NRG1: variants seen among roughly 807,000 people sequenced by gnomAD.
The protein encoded by NRG1 is pro-neuregulin-1, membrane-bound isoform.
In NRG1, 18 loss-of-function variants were observed where a neutral mutation model predicts 63.8. The ratio of observed to expected loss-of-function variants is 0.28; its 90% CI spans 0.19 to 0.42. The LOEUF (loss-of-function observed/expected upper bound fraction) is 0.42, where lower values mean the gene tolerates loss of function less well. NRG1 is among the 10% of genes least tolerant of loss of function. The pLI, the probability that NRG1 is intolerant of heterozygous loss-of-function variation, is 1.00. For synonymous variants in NRG1, 302 were observed against 301.3 expected, an observed-to-expected ratio of 1.00 and a Z score of -0.02; for missense variants, 762 against 814.7, an observed-to-expected ratio of 0.94 and a Z score of 0.79.
At chr8:32,604,738 A>C (rs565452462) in intron 2 of NRG1, among the ~76,000 whole-genome samples, 96 of 152,204 alleles carry the variant, frequency 6.3e-4, no homozygotes, top group Middle Eastern at 3.4e-3. Context: ...AGGCTTTAGA[A>C]TAATTCTTTA....
At chr8:32,704,251 G>A (rs1371429054) in intron 5 of NRG1, among the ~76,000 whole-genome samples, 1 of 152,188 alleles carries the variant, frequency 6.6e-6, no homozygotes, top group African/African-American at 2.4e-5. Context: ...GTGACCACTT[G>A]CTGAGTAATT....
At chr8:31,642,396 A>T (rs1803881303) in intron 1 of NRG1, among the ~76,000 whole-genome samples, 1 of 152,224 alleles carries the variant, frequency 6.6e-6, no homozygotes, top group South Asian at 2.1e-4. Flanking sequence ...GTTAGCTGTG[A>T]TGCCTAGGAT....
chr8:31,694,351 G>GA (rs1308244960), intron 1 of NRG1, among the ~76,000 whole-genome samples: 5 of 152,272 alleles, frequency 3.3e-5, no homozygotes, highest in African/African-American at 1.2e-4. Flanking sequence ...CCTTCTCTGT[G>GA]TCTAGAGAAT....
At position 32,594,761 on chromosome 8, in the gene NRG1, CT is replaced by C. The variant is rs201878158; in HGVS notation, c.101-1066del. 6.0e-3 allele frequency among the ~76,000 whole-genome samples: 908 copies of C among 152,292 alleles called. 12 individuals are homozygous for C. The highest frequency in any genetic ancestry group is 0.02 in the African/African-American group (852 of 41,566). The stretch of plus-strand genomic sequence containing the variant: ...TGCATAATTTAAGTACTCACAGTCT[CT>C]GTTGAGACTATTTAGATGCACTAAA... On this transcript the variant is annotated intron_variant, in intron 1 of 11. Coordinates refer to ENST00000356819, the Ensembl canonical transcript of NRG1.
chr8:32,050,537 C>T (rs1435643500), intron 1 of NRG1, among the ~76,000 whole-genome samples: 1 of 152,094 alleles, frequency 6.6e-6, no homozygotes, highest in Non-Finnish European at 1.5e-5. Flanking sequence ...AAATGCCTGC[C>T]ACCTTCCCAT....
chr8:31,977,795 C>T (rs1808437416), intron 1 of NRG1, among the ~76,000 whole-genome samples: 1 of 152,116 alleles, frequency 6.6e-6, no homozygotes, highest in Admixed American at 6.5e-5. Context: ...GTTTGAACAA[C>T]AGATTCAATT....
chr8:31,681,655 A>G (rs1227334885), intron 1 of NRG1, among the ~76,000 whole-genome samples: 1 of 150,702 alleles, frequency 6.6e-6, no homozygotes, highest in Non-Finnish European at 1.5e-5. Context: ...ATTCCAATGT[A>G]TAGACTCTGG....
At chr8:32,733,660 T>C (rs1029182502) in intron 6 of NRG1, among the ~76,000 whole-genome samples, 3 of 152,142 alleles carry the variant, frequency 2.0e-5, no homozygotes, top group Non-Finnish European at 4.4e-5. Context: ...GCCAGGCACT[T>C]TTTAAAACAC....
intron 1 of NRG1, among the ~76,000 whole-genome samples, chr8:32,124,420 C>A (rs987648005): frequency 6.6e-6 from 1 of 151,816 alleles, no homozygotes; most frequent in African/African-American, 2.4e-5. Context: ...CAAATCTTCC[C>A]AACAAACAGT....
At chr8:31,829,140 G>A (rs1383943218) in intron 1 of NRG1, among the ~76,000 whole-genome samples, 3 of 152,182 alleles carry the variant, frequency 2.0e-5, no homozygotes, top group Non-Finnish European at 4.4e-5. Flanking sequence ...TCTCAGATCT[G>A]AGCAGGTTGT....
chr8:32,430,787 G>GTTTTTTTTTT (rs35752428), intron 1 of NRG1, among the ~76,000 whole-genome samples: 7 of 134,150 alleles, frequency 5.2e-5, no homozygotes, highest in Non-Finnish European at 6.5e-5. Context: ...AATGGTTTGG[G>GTTTTTTTTTT]TTTTTTTTTT....
chr8:32,620,841 A>G, intron 5 of NRG1, among the ~76,000 whole-genome samples: 1 of 148,082 alleles, frequency 6.8e-6, no homozygotes, highest in South Asian at 2.1e-4. Flanking sequence ...AAAAACAAAC[A>G]AAAAAAGAAA....
intron 5 of NRG1, among the ~76,000 whole-genome samples, chr8:32,687,492 C>T (rs773584023): frequency 3.9e-5 from 6 of 152,146 alleles, no homozygotes; most frequent in Non-Finnish European, 7.3e-5. Flanking sequence ...CGAGTCTGAA[C>T]GCACTGTGAG....
intron 1 of NRG1, among the ~76,000 whole-genome samples, chr8:32,053,177 G>A (rs114502857): frequency 0.011 from 1,687 of 152,196 alleles, 25 homozygotes; most frequent in African/African-American, 0.036. Context: ...TGCCTGGCTG[G>A]TTGAATTGAC....
intron 1 of NRG1, among the ~76,000 whole-genome samples, chr8:32,308,061 T>C (rs932190027): frequency 3.9e-5 from 6 of 152,182 alleles, no homozygotes; most frequent in African/African-American, 1.2e-4. Context: ...ATTTTCAACC[T>C]GCACTCACCC....
At chr8:32,619,356 T>G (rs1011320502) in intron 5 of NRG1, among the ~76,000 whole-genome samples, 4 of 151,124 alleles carry the variant, frequency 2.6e-5, no homozygotes, top group African/African-American at 9.7e-5. Context: ...GGGGTTGGAG[T>G]AGAAGGAACA....
chr8:32,216,241 TA>T (rs1314971346), intron 1 of NRG1, among the ~76,000 whole-genome samples: 1 of 150,278 alleles, frequency 6.7e-6, no homozygotes, highest in African/African-American at 2.4e-5. Context: ...TGAAGAGCCA[TA>T]AATAATGCAT....
chr8:31,792,562 T>C (rs1409187566), intron 1 of NRG1, among the ~76,000 whole-genome samples: 4 of 152,264 alleles, frequency 2.6e-5, no homozygotes. Context: ...AAAAATTGTT[T>C]CATTAATAGA....
chr8:32,583,082 A>T (rs1382441234), intron 1 of NRG1, among the ~76,000 whole-genome samples: 1 of 152,068 alleles, frequency 6.6e-6, no homozygotes, highest in Non-Finnish European at 1.5e-5. Context: ...AATGACCAAA[A>T]GTATATGTAG....
Sources: allele counts gnomAD v4.1 joint callset (sites outside exome capture counted in the v4.1 genomes callset), GRCh38; gene constraint gnomAD v4.1.1; transcripts MANE v1.5; gene names NCBI Gene and HGNC (gene_info 2026-07-23, HGNC 2026-07-21).